The following PRELID2 variants were observed in gnomAD, a reference collection of about 807,000 sequenced individuals.
PRELID2 encodes the protein PRELI domain containing 2.
PRELID2 carries 25 observed loss-of-function variants against 28.4 expected under a neutral mutation model. That is an observed-to-expected ratio of 0.88 (90% CI 0.64 to 1.23). PRELID2 has a LOEUF of 1.23. Among genes scored for constraint, PRELID2 ranks in the 50% most tolerant of loss-of-function variants. PRELID2 has a pLI of 0.00. For missense variants in PRELID2, 201 were observed against 214.4 expected (o/e 0.94, Z 0.39); for synonymous variants, 76 against 71.6 (o/e 1.06, Z -0.31).
intron 1 of PRELID2, among the ~76,000 whole-genome samples, chr5:145,548,167 T>C (rs1371771139): frequency 4.6e-5 from 7 of 152,184 alleles, no homozygotes; most frequent in Non-Finnish European, 8.8e-5. Flanking sequence ...AGTTATAAAA[T>C]GTGGAATGAT....
the PRELID2 span, among the ~76,000 whole-genome samples, chr5:145,286,028 C>T: frequency 6.6e-6 from 1 of 152,092 alleles, no homozygotes; most frequent in East Asian, 1.9e-4. Flanking sequence ...AACCAGTTAG[C>T]CATTTGGCTG....
intron 1 of PRELID2, among the ~76,000 whole-genome samples, chr5:145,529,645 CA>C (rs1224868379): frequency 6.6e-6 from 1 of 152,036 alleles, no homozygotes; most frequent in East Asian, 1.9e-4. Flanking sequence ...CAGCTGTGAA[CA>C]AGACAATGTT....
At chr5:145,454,658 C>T in the PRELID2 span, among the ~76,000 whole-genome samples, 1 of 152,142 alleles carries the variant, frequency 6.6e-6, no homozygotes, top group Non-Finnish European at 1.5e-5. Flanking sequence ...AGAGCCAAAT[C>T]ATGAGTGAAC....
At chr5:145,383,068 G>A in the PRELID2 span, among the ~76,000 whole-genome samples, 1 of 151,282 alleles carries the variant, frequency 6.6e-6, no homozygotes, top group African/African-American at 2.4e-5. Context: ...TTGATCTGTA[G>A]ACTCAATGCA....
chr5:145,769,597 A>T (rs1266528466), intron 5 of PRELID2, among the ~76,000 whole-genome samples: 1 of 152,236 alleles, frequency 6.6e-6, no homozygotes, highest in African/African-American at 2.4e-5. Context: ...TTTCTAAAGC[A>T]GTTCTCAAAA....
chr5:145,735,729 C>A (rs1321447577), intron 1 of PRELID2, among the ~76,000 whole-genome samples: 1 of 152,156 alleles, frequency 6.6e-6, no homozygotes, highest in Non-Finnish European at 1.5e-5. Context: ...AGCCTTTGAT[C>A]CTTCATCTTA....
the PRELID2 span, among the ~76,000 whole-genome samples, chr5:145,233,069 G>C: frequency 1.3e-5 from 2 of 151,834 alleles, no homozygotes; most frequent in South Asian, 4.2e-4. Context: ...CATTTGTTAT[G>C]TATTTAATAT....
rs1020773089 is a variant in PRELID2, at chr5:145,720,656, T to C, written n.70+44275A>G. On this transcript the variant is annotated intron_variant and non_coding_transcript_variant, in intron 1 of 2. Coordinates refer to the PRELID2 transcript ENST00000510259. ...TCCATCCATGTTATCACTGTGAAAA[T>C]TTAGGTAAAAGGGTTAATAGTGAGG... Among the ~76,000 whole-genome samples, 9 of 152,076 alleles carry C rather than the reference T, an allele frequency of 5.9e-5. No homozygotes were observed. In the East Asian group the frequency reaches 1.7e-3, roughly 29 times the overall value.
chr5:145,788,617 C>T (rs767075736), intron 5 of PRELID2, among the ~76,000 whole-genome samples: 1 of 152,158 alleles, frequency 6.6e-6, no homozygotes, highest in Non-Finnish European at 1.5e-5. Flanking sequence ...AGAAGTGGCC[C>T]ACTCTCGCCA....
chr5:145,773,295 A>T (rs1223646555), intron 5 of PRELID2, among the ~76,000 whole-genome samples: 2 of 152,252 alleles, frequency 1.3e-5, no homozygotes, highest in African/African-American at 4.8e-5. Context: ...TTAATAAATC[A>T]TGTTGCTGAT....
chr5:145,724,102 A>G (rs1481917847), intron 1 of PRELID2, among the ~76,000 whole-genome samples: 1 of 152,176 alleles, frequency 6.6e-6, no homozygotes, highest in Non-Finnish European at 1.5e-5. Flanking sequence ...AAATATACAT[A>G]TATTTCAAAC....
intron 5 of PRELID2, among the ~76,000 whole-genome samples, chr5:145,768,987 C>T (rs7703916): frequency 0.078 from 11,874 of 152,054 alleles, 972 homozygotes; most frequent in African/African-American, 0.21. Flanking sequence ...TACCTCTCTT[C>T]GGTAAAGAAG....
chr5:145,576,170 AT>A (rs1395836062), intron 1 of PRELID2, among the ~76,000 whole-genome samples: 8 of 151,998 alleles, frequency 5.3e-5, no homozygotes, highest in Non-Finnish European at 1.0e-4. Context: ...GCAAGTCAAT[AT>A]TTTTTGGTAC....
At chr5:145,664,472 T>C (rs1173506752) in intron 1 of PRELID2, among the ~76,000 whole-genome samples, 1 of 152,152 alleles carries the variant, frequency 6.6e-6, no homozygotes, top group Non-Finnish European at 1.5e-5. Context: ...TCTTCTTGAA[T>C]TGAAATGCAA....
intron 1 of PRELID2, among the ~76,000 whole-genome samples, chr5:145,665,430 T>C (rs936598221): frequency 2.0e-5 from 3 of 152,122 alleles, no homozygotes; most frequent in African/African-American, 7.2e-5. Flanking sequence ...ATATATTTAC[T>C]GACTTTACTC....
chr5:145,573,263 T>C (rs1253636045), intron 1 of PRELID2, among the ~76,000 whole-genome samples: 1 of 152,158 alleles, frequency 6.6e-6, no homozygotes, highest in Non-Finnish European at 1.5e-5. Flanking sequence ...TCTAGCAACA[T>C]TCAGACAGAA....
At chr5:145,799,025 A>AATATATATATATATATATATAT (rs532556100) in intron 4 of PRELID2, among the ~76,000 whole-genome samples, 28 of 148,000 alleles carry the variant, frequency 1.9e-4, no homozygotes, top group African/African-American at 5.7e-4. Flanking sequence ...AGTATAATAA[A>AATATATATATATATATATATAT]ATATATATAT....
At chr5:145,433,067 A>T in the PRELID2 span, among the ~76,000 whole-genome samples, 1 of 152,092 alleles carries the variant, frequency 6.6e-6, no homozygotes, top group Non-Finnish European at 1.5e-5. Flanking sequence ...TTACTTACTA[A>T]GATGCCCCAG....
chr5:145,467,545 A>T (rs193288058), downstream of PRELID2, among the ~76,000 whole-genome samples: 275 of 152,298 alleles, frequency 1.8e-3, 1 homozygote, highest in African/African-American at 6.3e-3. Context: ...GCTAATATAT[A>T]TTTAGTATCT....
Sources: allele counts gnomAD v4.1 joint callset (sites outside exome capture counted in the v4.1 genomes callset), GRCh38; gene constraint gnomAD v4.1.1; transcripts MANE v1.5; gene names NCBI Gene and HGNC (gene_info 2026-07-23, HGNC 2026-07-21).